The following ZFAT variants were observed in gnomAD, a reference collection of about 807,000 sequenced individuals.
The protein encoded by ZFAT is zinc finger and AT-hook domain containing.
ZFAT carries 64 observed loss-of-function variants against 117.7 expected under a neutral mutation model. That is an observed-to-expected ratio of 0.54 (90% confidence interval 0.44 to 0.67). The LOEUF (loss-of-function observed/expected upper bound fraction) is 0.67. Among genes scored for constraint, ZFAT ranks in the 30% least tolerant of loss-of-function variants. ZFAT has a pLI of 0.00. For missense variants in ZFAT, 1,433 were observed against 1,584.5 expected (o/e 0.90, Z 1.62); for synonymous variants, 679 against 615.0 (o/e 1.10, Z -1.54).
chr8:134,665,264 G>A (rs1035011321), intron 1 of ZFAT, among the ~76,000 whole-genome samples: 2 of 152,232 alleles, frequency 1.3e-5, no homozygotes, highest in Non-Finnish European at 2.9e-5. Context: ...GCCATGGGCT[G>A]CAGACATGAT....
the ZFAT span, among the ~76,000 whole-genome samples, chr8:134,791,562 C>T: frequency 6.6e-6 from 1 of 152,042 alleles, no homozygotes; most frequent in East Asian, 1.9e-4. Flanking sequence ...TCTATGACAT[C>T]TCTGTAAGTT....
chr8:134,801,886 G>A, the ZFAT span, among the ~76,000 whole-genome samples: 2 of 152,180 alleles, frequency 1.3e-5, no homozygotes, highest in African/African-American at 4.8e-5. Flanking sequence ...GATTCTGAAA[G>A]CATGGGCCTA....
intron 15 of ZFAT, among the ~76,000 whole-genome samples, chr8:134,501,819 A>G (rs1308022837): frequency 4.6e-5 from 7 of 152,238 alleles, no homozygotes; most frequent in African/African-American, 7.2e-5. Context: ...GGAAAATTCC[A>G]TTAACTCACC....
the ZFAT span, among the ~76,000 whole-genome samples, chr8:134,810,977 C>T: frequency 1.3e-5 from 2 of 151,324 alleles, no homozygotes; most frequent in Non-Finnish European, 2.9e-5. Context: ...GAGTCACTCG[C>T]TACATCTTCT....
chr8:134,757,301 G>A, the ZFAT span, among the ~76,000 whole-genome samples: 25 of 152,084 alleles, frequency 1.6e-4, no homozygotes, highest in African/African-American at 5.6e-4. Context: ...ACAGCCGTGA[G>A]CCACCGCACC....
intron 7 of ZFAT, among the ~76,000 whole-genome samples, chr8:134,592,116 T>C (rs1250259543): frequency 2.6e-5 from 4 of 152,204 alleles, no homozygotes; most frequent in Non-Finnish European, 5.9e-5. Context: ...CCACGCTCAC[T>C]TGGATTTACA....
intron 1 of ZFAT, among the ~76,000 whole-genome samples, chr8:134,692,747 G>A (rs1833643497): frequency 6.6e-6 from 1 of 152,238 alleles, no homozygotes; most frequent in South Asian, 2.1e-4. Context: ...GTTTACACCA[G>A]ATGCCTCGGG....
In ZFAT at chr8:134,615,038, GA is replaced by G. The variant is rs1471974333; in HGVS notation, c.449-4384del. Among the ~76,000 whole-genome samples, 4 of 152,320 alleles carry G rather than the reference GA, an allele frequency of 2.6e-5. No individual in the cohort carries two copies. The East Asian group carries it at 7.7e-4, about 29-fold the overall frequency. ...ACCTGGAAGAGACAAAAGAGCAGGG[GA>G]CAGAACACCACGCACCTTCAACCCA... On this transcript the variant is annotated intron_variant, in intron 3 of 15. Coordinates refer to ENST00000377838, the MANE Select transcript of ZFAT (RefSeq NM_020863.4).
At chr8:134,556,562 T>A (rs1823641392) in intron 11 of ZFAT, among the ~76,000 whole-genome samples, 1 of 150,730 alleles carries the variant, frequency 6.6e-6, no homozygotes, top group Admixed American at 6.6e-5. Context: ...AAGAGGAAAA[T>A]CTTAAAGCCG....
rs986575876 is a variant in ZFAT, at chr8:134,478,293, G to T, written c.*189C>A. The T allele has an allele frequency of 7.0e-6, 5 of 710,046 alleles. No individual in the cohort carries two copies. The African/African-American group carries it at 8.9e-5, about 13-fold the overall frequency. The allele number at this position is 710,046 out of a possible 1,614,324, so 44.0% of individuals were successfully genotyped here. ...GTCTATGCTGGGGTGAGGGTCCTGT[G>T]GTATTGCTGGTGATGCTGACTGCCT... On this transcript the variant is annotated 3_prime_UTR_variant, in exon 16 of 16. Coordinates refer to ENST00000377838, the MANE Select transcript of ZFAT (RefSeq NM_020863.4). The surrounding 1 kb of genome is among the most constrained non-coding windows in gnomAD (Gnocchi z 5.2).
intron 1 of ZFAT, among the ~76,000 whole-genome samples, chr8:134,701,061 C>T (rs1250855605): frequency 1.3e-5 from 2 of 152,108 alleles, no homozygotes; most frequent in African/African-American, 4.8e-5. Context: ...TGTAGGTATA[C>T]AGTTCAGTGG....
the ZFAT span, among the ~76,000 whole-genome samples, chr8:134,779,695 C>G: frequency 6.6e-6 from 1 of 152,034 alleles, no homozygotes; most frequent in African/African-American, 2.4e-5. Flanking sequence ...AAAAACCTTT[C>G]AAAGTTAGAA....
intron 1 of ZFAT, among the ~76,000 whole-genome samples, chr8:134,694,588 G>A (rs575716564): frequency 5.9e-5 from 9 of 152,254 alleles, no homozygotes; most frequent in East Asian, 5.8e-4. Flanking sequence ...TCAAGGAGAG[G>A]TCAACACACA....
At chr8:134,827,325 A>G in the ZFAT span, among the ~76,000 whole-genome samples, 5 of 152,034 alleles carry the variant, frequency 3.3e-5, no homozygotes, top group Admixed American at 3.3e-4. Flanking sequence ...GATTACAAGC[A>G]TGAGCCACCA....
At chr8:134,812,842 T>C in the ZFAT span, among the ~76,000 whole-genome samples, 1 of 152,256 alleles carries the variant, frequency 6.6e-6, no homozygotes, top group Non-Finnish European at 1.5e-5. Context: ...ATATATTAAC[T>C]AATTTAATCC....
At chr8:134,540,025 G>A (rs907785511) in intron 11 of ZFAT, among the ~76,000 whole-genome samples, 6 of 152,194 alleles carry the variant, frequency 3.9e-5, no homozygotes, top group African/African-American at 1.4e-4. Context: ...GAGTATGACT[G>A]TGCTTTGAGA....
intron 15 of ZFAT, among the ~76,000 whole-genome samples, chr8:134,487,998 G>A (rs1005335390): frequency 6.6e-5 from 10 of 152,182 alleles, no homozygotes; most frequent in Non-Finnish European, 1.3e-4. Flanking sequence ...GAGGGAAGAC[G>A]CCCCACCAGG....
intron 10 of ZFAT, among the ~76,000 whole-genome samples, chr8:134,570,949 C>T (rs534614007): frequency 6.6e-6 from 1 of 152,282 alleles, no homozygotes; most frequent in South Asian, 2.1e-4. Context: ...ACAGCGAAGA[C>T]AGACAGAGAC....
chr8:134,637,187 A>G (rs1830268413), intron 3 of ZFAT, among the ~76,000 whole-genome samples: 1 of 152,226 alleles, frequency 6.6e-6, no homozygotes, highest in Non-Finnish European at 1.5e-5. Context: ...GCAAAGAGAG[A>G]GGCTGTGTTT....
Sources: gnomAD v4.1 joint callset for allele counts (sites outside exome capture counted in the v4.1 genomes callset) on GRCh38, gnomAD v4.1.1 for gene constraint, Gnocchi (gnomAD v3.1) non-coding constraint, MANE v1.5 for transcripts, NCBI Gene and HGNC (gene_info 2026-07-23, HGNC 2026-07-21) for gene names.